Variants in LY96 observed in about 807,000 individuals in gnomAD.
The protein encoded by LY96 is lymphocyte antigen 96.
In LY96, 18 loss-of-function variants were observed where a neutral mutation model predicts 18.9. That is an observed-to-expected ratio of 0.95 (90% CI 0.66 to 1.41). The LOEUF is 1.41. Ranked by LOEUF, LY96 falls within the 40% of genes most tolerant of loss-of-function variation. The pLI, the probability that LY96 is intolerant of heterozygous loss-of-function variation, is 0.00. For synonymous variants in LY96, 66 were observed against 62.6 expected (o/e 1.06, Z -0.26); for missense variants, 175 against 182.4 (o/e 0.96, Z 0.23).
At chr8:74,068,061 C>CAAAAA in the LY96 span, among the ~76,000 whole-genome samples, 5 of 36,190 alleles carry the variant, frequency 1.4e-4, no homozygotes, top group East Asian at 9.2e-4. Context: ...AACTCTGTCT[C>CAAAAA]AAAAAAAAAA....
intron 1 of LY96, among the ~76,000 whole-genome samples, chr8:73,996,386 T>C (rs1336661932): frequency 2.4e-5 from 1 of 42,518 alleles, no homozygotes; most frequent in Non-Finnish European, 4.6e-5. Flanking sequence ...TCTTTCTTTC[T>C]TTCTTTCTTT....
At chr8:73,991,677 G>A (rs530905591) in intron 1 of LY96, 123 bp downstream of exon 1, 40 of 677,620 alleles carry the variant, frequency 5.9e-5, no homozygotes, top group African/African-American at 4.1e-4. Flanking sequence ...CTGCTGTGGC[G>A]GACGCTGCCA....
At chr8:73,992,662 A>G (rs1239143330) in intron 1 of LY96, among the ~76,000 whole-genome samples, 3 of 152,174 alleles carry the variant, frequency 2.0e-5, no homozygotes, top group Non-Finnish European at 4.4e-5. Context: ...CCAGTCACAC[A>G]CCATGGCCCT....
intron 3 of LY96, among the ~76,000 whole-genome samples, chr8:74,023,203 C>T (rs1009801486): frequency 6.6e-6 from 1 of 152,152 alleles, no homozygotes; most frequent in Non-Finnish European, 1.5e-5. Context: ...TCCAGTGCAA[C>T]CTGCTACCCT....
the LY96 span, among the ~76,000 whole-genome samples, chr8:74,076,163 T>G: frequency 6.6e-6 from 1 of 151,970 alleles, no homozygotes; most frequent in Non-Finnish European, 1.5e-5. Flanking sequence ...AGCTGGAGGC[T>G]GTCTGCTGAC....
chr8:74,039,918 A>G, the LY96 span, among the ~76,000 whole-genome samples: 1 of 152,128 alleles, frequency 6.6e-6, no homozygotes, highest in Admixed American at 6.6e-5. Context: ...CTCCCACAAG[A>G]AGCTGGTGGA....
At chr8:74,080,553 G>A in the LY96 span, among the ~76,000 whole-genome samples, 61 of 152,312 alleles carry the variant, frequency 4.0e-4, no homozygotes, top group African/African-American at 1.3e-3. Flanking sequence ...CAAGCTGTGC[G>A]TATGAAACAC....
At chr8:74,081,147 TTC>T in the LY96 span, among the ~76,000 whole-genome samples, 3 of 139,088 alleles carry the variant, frequency 2.2e-5, no homozygotes, top group African/African-American at 8.9e-5. Context: ...CCTTCCTTCT[TTC>T]TTTCTTTCTT....
chr8:74,004,019 C>A (rs888684908), intron 1 of LY96, among the ~76,000 whole-genome samples: 1 of 152,094 alleles, frequency 6.6e-6, no homozygotes, highest in African/African-American at 2.4e-5. Flanking sequence ...CATCTACCAG[C>A]CCAAGCTGCT....
the LY96 span, among the ~76,000 whole-genome samples, chr8:74,068,791 A>G: frequency 1.3e-5 from 2 of 152,020 alleles, no homozygotes; most frequent in Non-Finnish European, 2.9e-5. Flanking sequence ...TTCTTTTCTT[A>G]TTACTGAGTT....
chr8:74,045,597 A>G, the LY96 span, among the ~76,000 whole-genome samples: 3 of 152,204 alleles, frequency 2.0e-5, no homozygotes, highest in Admixed American at 2.0e-4. Flanking sequence ...AGAGTTTAAT[A>G]AAGGGAATGT....
the LY96 span, among the ~76,000 whole-genome samples, chr8:74,059,484 C>T: frequency 1.3e-5 from 2 of 152,118 alleles, no homozygotes; most frequent in Non-Finnish European, 2.9e-5. Context: ...AACTGTACTA[C>T]TGACACAGAA....
the LY96 span, among the ~76,000 whole-genome samples, chr8:74,083,317 C>A: frequency 6.6e-6 from 1 of 152,124 alleles, no homozygotes; most frequent in Non-Finnish European, 1.5e-5. Context: ...CCAGTTCAAG[C>A]AATTCTCATG....
the LY96 span, among the ~76,000 whole-genome samples, chr8:74,059,882 A>G: frequency 1.3e-5 from 2 of 152,270 alleles, no homozygotes; most frequent in Non-Finnish European, 2.9e-5. Context: ...TCAGGCCTGT[A>G]ATCCCAGCAC....
At chr8:74,043,466 G>T in the LY96 span, among the ~76,000 whole-genome samples, 1 of 152,192 alleles carries the variant, frequency 6.6e-6, no homozygotes, top group African/African-American at 2.4e-5. Flanking sequence ...GACTGCAGTT[G>T]GGATAGACCA....
chr8:74,002,006 T>C (rs867859527), intron 1 of LY96, among the ~76,000 whole-genome samples: 1,071 of 23,646 alleles, frequency 0.045, 99 homozygotes, highest in Admixed American at 0.069. Flanking sequence ...TTTCTTCCTT[T>C]CTTCCTTCCT....
intron 3 of LY96, among the ~76,000 whole-genome samples, chr8:74,024,980 C>T (rs1816839570): frequency 1.3e-5 from 2 of 152,070 alleles, no homozygotes; most frequent in African/African-American, 2.4e-5. Flanking sequence ...GGCACATGCA[C>T]CACACCCATC....
chr8:74,051,780 C>A, the LY96 span, among the ~76,000 whole-genome samples: 1 of 152,086 alleles, frequency 6.6e-6, no homozygotes, highest in East Asian at 1.9e-4. Context: ...CAACAGACAC[C>A]GAATTTGCTG....
At chr8:73,999,776 C>T (rs1171657169) in intron 1 of LY96, among the ~76,000 whole-genome samples, 5 of 152,226 alleles carry the variant, frequency 3.3e-5, no homozygotes, top group African/African-American at 1.2e-4. Context: ...ACCTCTGCCT[C>T]CCAAGGTGCT....
Sources: allele counts gnomAD v4.1 joint callset (sites outside exome capture counted in the v4.1 genomes callset), GRCh38; gene constraint gnomAD v4.1.1; transcripts MANE v1.5; gene names NCBI Gene and HGNC (gene_info 2026-07-23, HGNC 2026-07-21).